TOX2: variants seen among roughly 807,000 people sequenced by gnomAD.
The protein encoded by TOX2 is TOX high mobility group box family member 2, also known as granulosa cell HMG box 1.
A neutral mutation model predicts 47.4 loss-of-function variants in TOX2; 15 were observed. The observed-to-expected ratio is 0.32, with a 90% CI of 0.21 to 0.49. The LOEUF is 0.49. TOX2 is among the 20% of genes least tolerant of loss of function. The pLI, the probability that TOX2 is intolerant of heterozygous loss-of-function variation, is 0.99. For missense variants in TOX2, 622 were observed against 673.1 expected, an observed-to-expected ratio of 0.92 and a Z score of 0.84; for synonymous variants, 290 against 296.6, an observed-to-expected ratio of 0.98 and a Z score of 0.23.
chr20:44,044,805 G>T (rs567580850), intron 3 of TOX2, among the ~76,000 whole-genome samples: 3 of 152,198 alleles, frequency 2.0e-5, no homozygotes, highest in East Asian at 1.9e-4. Context: ...GAAAGCAGAG[G>T]CTCCACGAGA....
intron 3 of TOX2, among the ~76,000 whole-genome samples, chr20:44,024,802 A>C: frequency 6.7e-6 from 1 of 148,914 alleles, no homozygotes; most frequent in South Asian, 2.1e-4. Context: ...TAATATATAC[A>C]ATATACAAAG....
chr20:43,979,037 C>T (rs2070127896), intron 2 of TOX2, among the ~76,000 whole-genome samples: 1 of 152,058 alleles, frequency 6.6e-6, no homozygotes, highest in African/African-American at 2.4e-5. Flanking sequence ...AAGGATGACT[C>T]CTAGGCTTCT....
intron 1 of TOX2, among the ~76,000 whole-genome samples, chr20:43,964,979 T>G (rs1361159611): frequency 1.3e-5 from 2 of 152,218 alleles, no homozygotes; most frequent in Non-Finnish European, 2.9e-5. Context: ...CTGCTCCCCT[T>G]GGCTAACCTT....
chr20:43,926,267 A>AC (rs1051121341), intron 1 of TOX2, among the ~76,000 whole-genome samples: 5 of 151,788 alleles, frequency 3.3e-5, no homozygotes, highest in African/African-American at 1.2e-4. Context: ...AAGGTCTCCC[A>AC]CCCCCACTCC....
At chr20:44,045,654 A>G in intron 3 of TOX2, among the ~76,000 whole-genome samples, 1 of 152,380 alleles carries the variant, frequency 6.6e-6, no homozygotes, top group Middle Eastern at 3.4e-3. Context: ...ATGCAGAAAC[A>G]TAAATGGTCC....
chr20:43,964,736 G>A (rs571365380), intron 1 of TOX2, among the ~76,000 whole-genome samples: 2 of 152,316 alleles, frequency 1.3e-5, no homozygotes, highest in Non-Finnish European at 2.9e-5. Flanking sequence ...TCTTGACAGT[G>A]GGGCTGCTGC....
chr20:43,952,296 C>G (rs1163458207), intron 1 of TOX2, among the ~76,000 whole-genome samples: 2 of 152,134 alleles, frequency 1.3e-5, no homozygotes, highest in African/African-American at 2.4e-5. Flanking sequence ...CCCTGGCCCC[C>G]CAAAGCTCTG....
rs545259565 is a variant in TOX2 at position 43,991,915 on chromosome 20, G to A, written c.166-14632G>A. On this transcript the variant is annotated intron_variant, in intron 2 of 8. Transcript: ENST00000341197. ...CTCCCAAAGTGCTAGGATTACAGAC[G>A]TGAGCCACTGCAGCCAGCCATAATC... 2.0e-5 allele frequency among the ~76,000 whole-genome samples: 3 copies of A among 152,216 alleles called. No individual in the cohort carries two copies. In the South Asian group the frequency reaches 6.2e-4, roughly 32 times the overall value.
chr20:44,063,372 TA>T (rs1003085380), intron 5 of TOX2, among the ~76,000 whole-genome samples: 1 of 152,028 alleles, frequency 6.6e-6, no homozygotes, highest in Admixed American at 6.6e-5. Flanking sequence ...ACAAACATAT[TA>T]AAAAATACTT....
rs578076634 is a variant in TOX2 at position 43,916,544 on chromosome 20, G to C, written c.99+1554G>C. ...ACCTGCAAAGTTAGAAGCCGATGAG[G>C]GGGGATGGTAGCCTCAGGAGAAGGC... On this transcript the variant is annotated intron_variant, in intron 1 of 8. Coordinates refer to ENST00000341197, the MANE Select transcript of TOX2 (RefSeq NM_001098797.2). The surrounding 1 kb of genome is among the most constrained non-coding windows in gnomAD (Gnocchi z 5.0). Among the ~76,000 whole-genome samples, 44 of 152,348 alleles carry C rather than the reference G, an allele frequency of 2.9e-4. 2 individuals carry two copies. The East Asian group carries it at 5.4e-3, about 19-fold the overall frequency.
At chr20:44,033,408 C>T (rs2071187096) in intron 3 of TOX2, among the ~76,000 whole-genome samples, 1 of 152,160 alleles carries the variant, frequency 6.6e-6, no homozygotes, top group African/African-American at 2.4e-5. Flanking sequence ...CATGCCCCAC[C>T]AGATGCCCAT....
chr20:43,941,323 CTT>C (rs3037468), intron 1 of TOX2, among the ~76,000 whole-genome samples: 8 of 135,956 alleles, frequency 5.9e-5, no homozygotes, highest in Non-Finnish European at 6.4e-5. Context: ...GTTTTAAAGC[CTT>C]TTTTTTTTTT....
intron 3 of TOX2, among the ~76,000 whole-genome samples, chr20:44,038,618 A>T (rs2071277770): frequency 6.6e-6 from 1 of 152,106 alleles, no homozygotes; most frequent in South Asian, 2.1e-4. Flanking sequence ...TGAAGAAAAT[A>T]AAAAAATTTA....
chr20:43,943,586 C>A (rs540510506), intron 1 of TOX2, among the ~76,000 whole-genome samples: 95 of 152,220 alleles, frequency 6.2e-4, no homozygotes, highest in African/African-American at 1.9e-3. Context: ...GTCCTGATCA[C>A]ACATTGCTCC....
intron 2 of TOX2, among the ~76,000 whole-genome samples, chr20:43,987,671 C>T (rs1043570275): frequency 1.2e-4 from 18 of 152,138 alleles, no homozygotes; most frequent in African/African-American, 4.3e-4. Context: ...AGTAAATTCC[C>T]ACTGAGAGCA....
At chr20:43,949,397 A>G (rs973960741) in intron 1 of TOX2, among the ~76,000 whole-genome samples, 15 of 152,098 alleles carry the variant, frequency 9.9e-5, no homozygotes, top group African/African-American at 3.6e-4. Context: ...AGCCAGTGGG[A>G]TCTCTGAGAA....
chr20:44,035,385 G>A (rs1295054226), intron 3 of TOX2, among the ~76,000 whole-genome samples: 2 of 151,932 alleles, frequency 1.3e-5, no homozygotes, highest in Non-Finnish European at 2.9e-5. Context: ...TCCTCTTCCT[G>A]GACACCCTCA....
intron 1 of TOX2, among the ~76,000 whole-genome samples, chr20:43,961,286 G>A (rs1452247845): frequency 6.6e-6 from 1 of 152,206 alleles, no homozygotes; most frequent in Non-Finnish European, 1.5e-5. Context: ...AGGTGTGGGG[G>A]AGAGTGTGAT....
chr20:43,927,020 T>C (rs1372821877), intron 1 of TOX2, among the ~76,000 whole-genome samples: 1 of 152,240 alleles, frequency 6.6e-6, no homozygotes, highest in Non-Finnish European at 1.5e-5. Flanking sequence ...AGAAGCCTTA[T>C]TGTCCCAGCT....
Sources: allele counts gnomAD v4.1 joint callset (sites outside exome capture counted in the v4.1 genomes callset), GRCh38; gene constraint gnomAD v4.1.1; non-coding constraint Gnocchi (gnomAD v3.1); transcripts MANE v1.5; gene names NCBI Gene and HGNC (gene_info 2026-07-23, HGNC 2026-07-21).